Variants in LRRK2 observed in about 807,000 individuals in gnomAD.
The protein encoded by LRRK2 is leucine-rich repeat serine/threonine-protein kinase 2.
Under a neutral mutation model 302.6 loss-of-function variants are expected in LRRK2, and 203 were observed. The ratio of observed to expected loss-of-function variants is 0.67; its 90% CI spans 0.60 to 0.75. LRRK2 has a LOEUF of 0.75. Ranked by LOEUF, LRRK2 falls within the 30% of genes least tolerant of loss-of-function variation. The probability of loss-of-function intolerance (pLI) is 0.00; values close to 1 mark genes in which losing one functional copy is unlikely to be tolerated. For missense variants in LRRK2, 2,830 were observed against 2,951.0 expected, an observed-to-expected ratio of 0.96 and a Z score of 0.95; for synonymous variants, 1,066 against 1,031.9, an observed-to-expected ratio of 1.03 and a Z score of -0.63.
At position 40,323,030 on chromosome 12, in the gene LRRK2, T is replaced by G. The variant is rs1157504965; in HGVS notation, c.5510-130T>G. The G allele has an allele frequency of 3.6e-5, 27 of 747,308 alleles. 1 individual carries two copies. The East Asian group carries it at 7.3e-4, about 20-fold the overall frequency. The allele number at this position is 747,308 out of a possible 1,614,324, so 46.3% of individuals were successfully genotyped here. On this transcript the variant is annotated intron_variant, in intron 37 of 50. Coordinates refer to ENST00000298910, the MANE Select transcript of LRRK2 (RefSeq NM_198578.4). ...TGTTCTCAAATTTCCTAGAGAAATA[T>G]AGGATTGGTTAGAAAGGGAGGGATT...
intron 20 of LRRK2, among the ~76,000 whole-genome samples, chr12:40,292,587 A>C (rs191067192): frequency 3.3e-5 from 5 of 151,816 alleles, no homozygotes; most frequent in Admixed American, 3.3e-4. Context: ...TTAAGCATTA[A>C]AATAATTTAA....
In LRRK2 at chr12:40,298,798, TA is replaced by T. The variant is rs10708635; in HGVS notation, c.3347+307del. On this transcript the variant is annotated intron_variant, in intron 24 of 50. Coordinates refer to ENST00000298910, the MANE Select transcript of LRRK2 (RefSeq NM_198578.4). ...AAAGAAATATATATATATATATATATAATATATGTATTATAATATATAATAC... is the reference window on the plus strand; with the variant it reads ...AAAGAAATATATATATATATATATATATATATGTATTATAATATATAATAC... 1.2e-3 allele frequency among the ~76,000 whole-genome samples: 108 copies of T among 92,606 alleles called. 1 individual carries two copies. The highest frequency in any genetic ancestry group is 5.0e-3 in the Middle Eastern group (1 of 202). 60.8% of individuals were successfully genotyped at this position (92,606 alleles called of 152,430 possible).
rs1287370551 is a variant in LRRK2 at position 40,274,584 on chromosome 12, T to C, written c.1658T>C (p.Phe553Ser). The change falls in exon 15 of 51, where the codon TTC becomes TCC. Residue 553 changes from phenylalanine (F) to serine (S), a missense_variant and splice_region_variant. Phe to Ser is a radical substitution (Grantham distance 155). Transcript: ENST00000298910. ...CAGCGAGTATTCTTTTGATTTTAGT[T>C]CATTGGAAATCCTGGGATTCAGAAA... ...HKLVLAALNR[F>S]IGNPGIQKCG... is the part of the protein sequence containing the mutation. The C allele has an allele frequency of 6.2e-7, 1 of 1,613,658 alleles. No individual in the cohort carries two copies. The highest frequency in any genetic ancestry group is 1.3e-5 in the African/African-American group (1 of 75,038).
intron 44 of LRRK2, among the ~76,000 whole-genome samples, chr12:40,353,651 G>A (rs1311117596): frequency 6.6e-6 from 1 of 152,240 alleles, no homozygotes; most frequent in African/African-American, 2.4e-5. Context: ...GGTGGAGGTT[G>A]TAGGTAGCCA....
Position 40,348,446 on chromosome 12 carries a change from G to A in LRRK2, c.6318G>A (p.Met2106Ile). The A allele has an allele frequency of 3.7e-6, 6 of 1,612,704 alleles. No homozygotes were observed. Among genetic ancestry groups the A allele is most frequent in the Non-Finnish European group, 5.1e-6 (6 of 1,179,016 alleles). Residue 2106 changes from methionine to isoleucine, a missense_variant, in exon 43 of 51, where the codon ATG becomes ATA. Physicochemically the swap from Met to Ile is conservative, Grantham distance 10. Coordinates refer to ENST00000298910, the MANE Select transcript of LRRK2 (RefSeq NM_198578.4). ...VKEYGCAPWP[M>I]VEKLIKQCLK... ...AATATGGTTGTGCCCCATGGCCTAT[G>A]GTTGAGAAATTAATTAAACAGTGTT...
At chr12:40,336,719 G>T (rs1945883045) in intron 40 of LRRK2, among the ~76,000 whole-genome samples, 1 of 152,172 alleles carries the variant, frequency 6.6e-6, no homozygotes, top group Non-Finnish European at 1.5e-5. Context: ...ATGAAACAGG[G>T]TGCAGGGATT....
At chr12:40,244,082 C>T (rs1941866032) in intron 7 of LRRK2, among the ~76,000 whole-genome samples, 1 of 152,072 alleles carries the variant, frequency 6.6e-6, no homozygotes. Flanking sequence ...CACTATCCAA[C>T]TTAAATGTTG....
chr12:40,366,990 T>C lies in LRRK2; in HGVS notation c.7391-16T>C. 1.9e-6 allele frequency: 3 copies of C among 1,601,254 alleles called. No individual in the cohort carries two copies. Among genetic ancestry groups the C allele is most frequent in the Non-Finnish European group, 2.6e-6 (3 of 1,169,742 alleles). On this transcript the variant is annotated splice_polypyrimidine_tract_variant and intron_variant, in intron 49 of 50. Coordinates refer to ENST00000298910, the MANE Select transcript of LRRK2 (RefSeq NM_198578.4). ...ATAGTTTTAACAGAAAACTTACATA[T>C]TTTGTTTTTGTAAAGGAAGCCTTAA...
intron 20 of LRRK2, among the ~76,000 whole-genome samples, chr12:40,292,984 G>T (rs1446281999): frequency 6.6e-6 from 1 of 151,896 alleles, no homozygotes; most frequent in African/African-American, 2.4e-5. Flanking sequence ...ATTAAAAATT[G>T]CTGACTGTTA....
intron 20 of LRRK2, among the ~76,000 whole-genome samples, chr12:40,289,947 G>T (rs1193388707): frequency 6.6e-6 from 1 of 151,512 alleles, no homozygotes; most frequent in East Asian, 1.9e-4. Context: ...TATTGCACTG[G>T]CTAGGACCTC....
intron 4 of LRRK2, 79 bp downstream of exon 4, chr12:40,235,793 G>GTTTTTTTTTTTT (rs36024911): frequency 8.6e-6 from 4 of 464,448 alleles, no homozygotes; most frequent in Non-Finnish European, 1.5e-5. Context: ...GTGTGTGTGT[G>GTTTTTTTTTTTT]TTTTTTTTTT....
intron 16 of LRRK2, 110 bp downstream of exon 16, chr12:40,275,103 C>T (rs1052163377): frequency 2.5e-6 from 3 of 1,182,042 alleles, no homozygotes; most frequent in African/African-American, 3.0e-5. Flanking sequence ...TAATGGAAAA[C>T]CATTTATCCT....
intron 13 of LRRK2, among the ~76,000 whole-genome samples, chr12:40,261,976 C>A (rs1942794755): frequency 6.6e-6 from 1 of 151,976 alleles, no homozygotes; most frequent in South Asian, 2.1e-4. Flanking sequence ...AATGAAGACC[C>A]AGTTACTTTA....
chr12:40,361,699 T>C (rs1337081306), intron 47 of LRRK2, among the ~76,000 whole-genome samples: 2 of 152,108 alleles, frequency 1.3e-5, no homozygotes, highest in Non-Finnish European at 2.9e-5. Flanking sequence ...TCAAAGATGC[T>C]CATCTCCCAA....
chr12:40,252,601 CCT>C (rs1440523952), intron 10 of LRRK2, among the ~76,000 whole-genome samples: 5 of 152,086 alleles, frequency 3.3e-5, no homozygotes, highest in African/African-American at 1.2e-4. Flanking sequence ...TTCAGTTTTT[CCT>C]CTCTTGTTTC....
intron 20 of LRRK2, among the ~76,000 whole-genome samples, chr12:40,287,833 C>T (rs1285859922): frequency 1.3e-5 from 2 of 151,796 alleles, no homozygotes; most frequent in Admixed American, 1.3e-4. Context: ...CCTTTCGTGG[C>T]TTGTGTAAGC....
Position 40,287,208 on chromosome 12 carries a change from G to A in LRRK2, c.2501-143G>A. The stretch of plus-strand genomic sequence containing the variant: ...GATCTGCCACCTGTTAATTATTCAG[G>A]ATCACTAGTGTAAGGTGACTTTGAA... On this transcript the variant is annotated intron_variant, in intron 19 of 50. Transcript: ENST00000298910. 3 of 703,768 alleles carry A rather than the reference G, an allele frequency of 4.3e-6. No individual in the cohort carries two copies. The South Asian group carries it at 5.1e-5, about 12-fold the overall frequency. 43.6% of individuals were successfully genotyped at this position (703,768 alleles called of 1,614,324 possible). A position where few individuals can be genotyped will look rare whatever the true frequency, so the allele number is the denominator to read the frequency against.
intron 20 of LRRK2, among the ~76,000 whole-genome samples, chr12:40,292,834 T>C (rs17491041): frequency 0.014 from 2,205 of 152,110 alleles, 61 homozygotes; most frequent in African/African-American, 0.051. Context: ...TTGATCTTTG[T>C]TTTCTTGTAA....
In LRRK2 at chr12:40,363,656, A is replaced by G. The variant is rs1326810216; in HGVS notation, c.7181+102A>G. On this transcript the variant is annotated intron_variant, in intron 48 of 50. Transcript: ENST00000298910. ...CTTCCTTTCTGCCTCTGAATAGAGA[A>G]TTTTTTTAAAATGCAGAAAAAAATT... 6.0e-6 allele frequency: 8 copies of G among 1,332,156 alleles called. No homozygotes were observed. In the East Asian group the frequency reaches 2.0e-4, roughly 33 times the overall value. 82.5% of individuals were successfully genotyped at this position (1,332,156 alleles called of 1,614,324 possible).
Sources: allele counts gnomAD v4.1 joint callset (sites outside exome capture counted in the v4.1 genomes callset), GRCh38; gene constraint gnomAD v4.1.1; transcripts MANE v1.5; gene names NCBI Gene and HGNC (gene_info 2026-07-23, HGNC 2026-07-21).